The following ARHGAP32 variants were observed in gnomAD, a reference collection of about 807,000 sequenced individuals.
The protein encoded by ARHGAP32 is Rho GTPase activating protein 32.
Under a neutral mutation model 186.5 loss-of-function variants are expected in ARHGAP32, and 51 were observed. The observed-to-expected ratio is 0.27, with a 90% CI of 0.22 to 0.35. The LOEUF is 0.35. Ranked by LOEUF, ARHGAP32 falls within the 10% of genes least tolerant of loss-of-function variation. ARHGAP32 has a pLI of 1.00. For missense variants in ARHGAP32, 2,186 were observed against 2,623.5 expected, an observed-to-expected ratio of 0.83 and a Z score of 3.64; for synonymous variants, 950 against 964.3, an observed-to-expected ratio of 0.99 and a Z score of 0.27.
At chr11:129,035,173 CCT>C (rs71057921) in intron 11 of ARHGAP32, among the ~76,000 whole-genome samples, 133 of 147,826 alleles carry the variant, frequency 9.0e-4, no homozygotes, top group South Asian at 3.9e-3. Flanking sequence ...TGTTTCCTCT[CCT>C]CTCTCTCTCT....
chr11:129,171,441 T>C (rs938673645), intron 1 of ARHGAP32, among the ~76,000 whole-genome samples: 5 of 152,188 alleles, frequency 3.3e-5, no homozygotes, highest in Non-Finnish European at 5.9e-5. Flanking sequence ...TCTTTCCCAT[T>C]GTTTGTTTTT....
intron 11 of ARHGAP32, among the ~76,000 whole-genome samples, chr11:129,009,769 C>A (rs1466661781): frequency 6.6e-6 from 1 of 152,066 alleles, no homozygotes; most frequent in Admixed American, 6.6e-5. Flanking sequence ...TGTGTCTTTG[C>A]TGTTGTGAAC....
chr11:128,986,449 CAA>C lies in ARHGAP32; in HGVS notation c.1443+73_1443+74del. 2.6e-6 allele frequency: 4 copies of C among 1,523,490 alleles called. 1 individual carries two copies. The South Asian group carries it at 4.6e-5, about 18-fold the overall frequency. The allele number at this position is 1,523,490 out of a possible 1,614,324, so 94.4% of individuals were successfully genotyped here. A position where few individuals can be genotyped will look rare whatever the true frequency, so the allele number is the denominator to read the frequency against. ...AACTATTTCTTACATGTGACCAAAC[CAA>C]AGTTCATGTGTTTTGAACAAAAGCA... On this transcript the variant is annotated intron_variant, in intron 14 of 22. Transcript: ENST00000682385.
At chr11:129,192,330 G>A (rs1211780819), upstream of ARHGAP32, 4 of 669,454 alleles carry the variant, frequency 6.0e-6, no homozygotes, top group Non-Finnish European at 1.1e-5. Flanking sequence ...ACTGGTGCTG[G>A]TTTAATTACA....
intron 1 of ARHGAP32, among the ~76,000 whole-genome samples, chr11:129,226,954 A>G (rs1279095597): frequency 2.0e-5 from 3 of 152,162 alleles, no homozygotes; most frequent in Non-Finnish European, 4.4e-5. Flanking sequence ...AGCTAACTAC[A>G]TAGGTAAGTA....
rs1940114680 is a variant in ARHGAP32 at position 129,053,004 on chromosome 11, T to C, written c.963+9276A>G. Among the ~76,000 whole-genome samples the C allele has an allele frequency of 2.0e-5, 3 of 152,066 alleles. No homozygotes were observed. In the South Asian group the frequency reaches 6.2e-4, roughly 31 times the overall value. On this transcript the variant is annotated intron_variant, in intron 10 of 22. Transcript: ENST00000682385. ...CATTTTGTCAATAATTTCTATAAAATTGAGTTTTTACATGTATACATATGT... is the reference window on the plus strand; with the variant it reads ...CATTTTGTCAATAATTTCTATAAAACTGAGTTTTTACATGTATACATATGT...
At chr11:129,184,036 A>G (rs1944107330) in intron 1 of ARHGAP32, among the ~76,000 whole-genome samples, 1 of 152,170 alleles carries the variant, frequency 6.6e-6, no homozygotes, top group African/African-American at 2.4e-5. Flanking sequence ...AAAAGACTGA[A>G]AAACTTAAAA....
chr11:129,255,106 G>C (rs1565482096), intron 1 of ARHGAP32, among the ~76,000 whole-genome samples: 1 of 152,082 alleles, frequency 6.6e-6, no homozygotes, highest in Non-Finnish European at 1.5e-5. Flanking sequence ...GAAGAATAAA[G>C]CTGGATACAT....
At chr11:129,248,363 C>A (rs991016564) in intron 1 of ARHGAP32, among the ~76,000 whole-genome samples, 1 of 152,060 alleles carries the variant, frequency 6.6e-6, no homozygotes, top group Non-Finnish European at 1.5e-5. Flanking sequence ...GACTTCCTTG[C>A]GATGCGATGC....
chr11:129,193,628 T>C (rs1490567482), upstream of ARHGAP32, among the ~76,000 whole-genome samples: 2 of 80,574 alleles, frequency 2.5e-5, no homozygotes, highest in Admixed American at 1.8e-4. Flanking sequence ...TTATATAATA[T>C]ATATAATATA....
chr11:128,992,176 T>C (rs1231621417), intron 12 of ARHGAP32, among the ~76,000 whole-genome samples: 2 of 152,120 alleles, frequency 1.3e-5, no homozygotes, highest in Non-Finnish European at 2.9e-5. Flanking sequence ...TCATTTAAAG[T>C]TTTGTGCATA....
intron 1 of ARHGAP32, among the ~76,000 whole-genome samples, chr11:129,180,848 A>T (rs1306180480): frequency 1.3e-5 from 2 of 152,132 alleles, no homozygotes; most frequent in African/African-American, 4.8e-5. Context: ...ACTTCCCCCA[A>T]ATTGAAAGAT....
Position 129,128,602 on chromosome 11 carries a change from G to A in ARHGAP32, c.226-3708C>T, listed in dbSNP as rs967388975. ...CCTCCCCCTCCCCCTCCCTCTCCCCGGTCTCCCTCTGATGCCACCAAAGTT... is the reference window on the plus strand; with the variant it reads ...CCTCCCCCTCCCCCTCCCTCTCCCCAGTCTCCCTCTGATGCCACCAAAGTT... On this transcript the variant is annotated intron_variant, in intron 2 of 22. Coordinates refer to ENST00000682385, the MANE Select transcript of ARHGAP32 (RefSeq NM_001378024.1). 3.2e-3 allele frequency among the ~76,000 whole-genome samples: 131 copies of A among 40,670 alleles called. 1 individual carries two copies. The highest frequency in any genetic ancestry group is 0.012 in the African/African-American group (126 of 10,096). The allele number at this position is 40,670 out of a possible 152,430, so 26.7% of individuals were successfully genotyped here.
chr11:129,035,128 A>T (rs1939277547), intron 11 of ARHGAP32, among the ~76,000 whole-genome samples: 1 of 151,772 alleles, frequency 6.6e-6, no homozygotes, highest in Admixed American at 6.6e-5. Context: ...ACTGAATAAA[A>T]TGACAATTTC....
chr11:129,172,910 C>G (rs753125716), intron 1 of ARHGAP32, among the ~76,000 whole-genome samples: 3 of 149,314 alleles, frequency 2.0e-5, no homozygotes, highest in Non-Finnish European at 3.0e-5. Context: ...CAAACTAATC[C>G]AAAAGCTAGC....
At chr11:129,143,088 T>TATATATATATATATATATAA (rs886102587) in intron 2 of ARHGAP32, among the ~76,000 whole-genome samples, 1 of 149,076 alleles carries the variant, frequency 6.7e-6, no homozygotes, top group African/African-American at 2.5e-5. Context: ...TATATATATA[T>TATATATATATATATATATAA]AATCAACTGA....
At chr11:129,272,136 A>G (rs1945481087) in intron 1 of ARHGAP32, among the ~76,000 whole-genome samples, 1 of 152,174 alleles carries the variant, frequency 6.6e-6, no homozygotes, top group Non-Finnish European at 1.5e-5. Context: ...CAAAAAAAGG[A>G]CAATAAATGT....
At chr11:129,246,573 G>A (rs899545190) in intron 1 of ARHGAP32, among the ~76,000 whole-genome samples, 1 of 152,080 alleles carries the variant, frequency 6.6e-6, no homozygotes, top group Admixed American at 6.6e-5. Flanking sequence ...TTGACACAAA[G>A]CTATAAATCA....
chr11:129,048,720 T>G (rs1019079761), intron 10 of ARHGAP32, among the ~76,000 whole-genome samples: 5 of 152,196 alleles, frequency 3.3e-5, no homozygotes, highest in African/African-American at 1.2e-4. Flanking sequence ...GTACAGCAAG[T>G]AGCTGAGGGG....
Sources: gnomAD v4.1 joint callset for allele counts (sites outside exome capture counted in the v4.1 genomes callset) on GRCh38, gnomAD v4.1.1 for gene constraint, MANE v1.5 for transcripts, NCBI Gene and HGNC (gene_info 2026-07-23, HGNC 2026-07-21) for gene names.